Variants in SPHKAP observed in about 807,000 individuals in gnomAD.
SPHKAP encodes the protein A-kinase anchor protein SPHKAP.
A neutral mutation model predicts 137.5 loss-of-function variants in SPHKAP; 67 were observed. The observed-to-expected ratio is 0.49, with a 90% CI of 0.40 to 0.60. SPHKAP has a LOEUF of 0.60. Among genes scored for constraint, SPHKAP ranks in the 20% least tolerant of loss-of-function variants. The pLI, the probability that SPHKAP is intolerant of heterozygous loss-of-function variation, is 0.00. For synonymous variants in SPHKAP, 813 were observed against 785.3 expected (o/e 1.04, Z -0.59); for missense variants, 2,097 against 2,069.3 (o/e 1.01, Z -0.26).
At chr2:228,141,867 T>G (rs1182133329) in intron 1 of SPHKAP, among the ~76,000 whole-genome samples, 1 of 152,328 alleles carries the variant, frequency 6.6e-6, no homozygotes, top group South Asian at 2.1e-4. Context: ...GTTAGTTTTA[T>G]TGGAGAAAAT....
chr2:228,005,567 T>C (rs1210875356), intron 7 of SPHKAP, among the ~76,000 whole-genome samples: 2 of 152,232 alleles, frequency 1.3e-5, no homozygotes, highest in Non-Finnish European at 2.9e-5. Flanking sequence ...TTAATATTGT[T>C]ATGTGGGATT....
rs540414986 is a variant in SPHKAP at position 228,036,632 on chromosome 2, C to A, written c.247-9089G>T. Among the ~76,000 whole-genome samples, 56 of 152,108 alleles carry A rather than the reference C, an allele frequency of 3.7e-4. No individual in the cohort carries two copies. The South Asian group carries it at 9.4e-3, about 25-fold the overall frequency. ...ACAATAGCAAAGACTTGGAACCAAC[C>A]CAAATGTCCAACAATGATAGACTGG... is the stretch of plus-strand genomic sequence containing the variant. On this transcript the variant is annotated intron_variant, in intron 3 of 11. Transcript: ENST00000392056.
At chr2:228,153,725 A>T (rs945132067) in intron 1 of SPHKAP, among the ~76,000 whole-genome samples, 15 of 151,754 alleles carry the variant, frequency 9.9e-5, no homozygotes, top group African/African-American at 2.2e-4. Flanking sequence ...AAAATGTTAA[A>T]TTTTTTTTTG....
intron 3 of SPHKAP, among the ~76,000 whole-genome samples, chr2:228,103,578 C>T (rs957214748): frequency 6.6e-6 from 1 of 152,188 alleles, no homozygotes; most frequent in African/African-American, 2.4e-5. Flanking sequence ...GGAGCTGCCT[C>T]TCACTCTGCC....
At chr2:228,033,777 C>T (rs991881831) in intron 3 of SPHKAP, among the ~76,000 whole-genome samples, 6 of 152,198 alleles carry the variant, frequency 3.9e-5, no homozygotes, top group Non-Finnish European at 7.3e-5. Context: ...TCCTGAATGA[C>T]TACTGGATAC....
At chr2:228,076,828 G>A (rs1238419844) in intron 3 of SPHKAP, among the ~76,000 whole-genome samples, 1 of 152,202 alleles carries the variant, frequency 6.6e-6, no homozygotes, top group Non-Finnish European at 1.5e-5. Context: ...GAAGCCAAAT[G>A]TTAATCACCA....
At chr2:228,116,555 C>T (rs1698715617) in intron 2 of SPHKAP, among the ~76,000 whole-genome samples, 1 of 152,140 alleles carries the variant, frequency 6.6e-6, no homozygotes, top group Non-Finnish European at 1.5e-5. Context: ...ATATAATTCT[C>T]TCATAAGACT....
rs143598734 is a variant in SPHKAP at position 227,981,645 on chromosome 2, G to T, written c.*72C>A. On this transcript the variant is annotated 3_prime_UTR_variant, in exon 12 of 12. Transcript: ENST00000392056. Reference sequence around the variant, plus strand: ...ATGTGATGTTTTGAGAATGTTTAGAGCATTTAGAACAAACCACTGTAATCT... The same window carrying T: ...ATGTGATGTTTTGAGAATGTTTAGATCATTTAGAACAAACCACTGTAATCT... 2.6e-6 allele frequency: 4 copies of T among 1,514,686 alleles called. No homozygotes were observed. In the East Asian group the frequency reaches 7.0e-5, roughly 27 times the overall value. 93.8% of individuals were successfully genotyped at this position (1,514,686 alleles called of 1,614,324 possible). A position where few individuals can be genotyped will look rare whatever the true frequency, so the allele number is the denominator to read the frequency against.
At chr2:227,993,399 C>G in intron 9 of SPHKAP, 135 bp downstream of exon 9, 1 of 800,164 alleles carries the variant, frequency 1.2e-6, no homozygotes, top group African/African-American at 1.7e-5. Flanking sequence ...TGAATTCTTC[C>G]TCCAGTGACA....
intron 3 of SPHKAP, among the ~76,000 whole-genome samples, chr2:228,054,890 C>T (rs138631808): frequency 4.4e-4 from 67 of 152,072 alleles, no homozygotes; most frequent in African/African-American, 1.6e-3. Context: ...CCTGTAATCT[C>T]AGCACTTTGG....
intron 1 of SPHKAP, among the ~76,000 whole-genome samples, chr2:228,145,930 CT>C (rs1699762662): frequency 1.3e-5 from 2 of 152,130 alleles, no homozygotes; most frequent in East Asian, 3.9e-4. Context: ...GCTTGTGGGC[CT>C]ACTCCTTTTC....
At chr2:228,076,624 G>T (rs1697191761) in intron 3 of SPHKAP, among the ~76,000 whole-genome samples, 2 of 152,116 alleles carry the variant, frequency 1.3e-5, no homozygotes, top group African/African-American at 4.8e-5. Context: ...ATGATTTAGG[G>T]TATCTGGTGG....
chr2:228,106,678 T>G (rs1291390652), intron 3 of SPHKAP, among the ~76,000 whole-genome samples: 1 of 152,232 alleles, frequency 6.6e-6, no homozygotes, highest in Non-Finnish European at 1.5e-5. Context: ...ATTTTGCTCA[T>G]GAATTCCTTG....
At chr2:228,165,170 C>A (rs911356416) in intron 1 of SPHKAP, among the ~76,000 whole-genome samples, 6 of 149,918 alleles carry the variant, frequency 4.0e-5, no homozygotes, top group African/African-American at 1.2e-4. Context: ...TTTTTTTACC[C>A]ATCTCACAGG....
intron 11 of SPHKAP, among the ~76,000 whole-genome samples, chr2:227,984,214 C>A (rs1314407088): frequency 1.3e-5 from 2 of 150,226 alleles, no homozygotes; most frequent in Admixed American, 6.7e-5. Context: ...GCAGGAGAAT[C>A]GCTTGAACCT....
chr2:228,028,241 T>C (rs1329558953), intron 3 of SPHKAP, among the ~76,000 whole-genome samples: 1 of 152,240 alleles, frequency 6.6e-6, no homozygotes, highest in Non-Finnish European at 1.5e-5. Context: ...TACTTTTCTC[T>C]ATTTTCTCCT....
rs1325652623 is a variant in SPHKAP, at chr2:228,019,275, T to C, written c.1579A>G (p.Asn527Asp). The C allele has an allele frequency of 6.2e-7, 1 of 1,613,890 alleles. No homozygotes were observed. Among genetic ancestry groups the C allele is most frequent in the Non-Finnish European group, 8.5e-7 (1 of 1,180,024 alleles). ...GCACCACTGCTCCCTGGGGGAAAGT[T>C]CGAGACCACTTGCTCCATTTTGAGT... ...ERLKMEQVVS[N>D]FPPGSSGALQ... Residue 527 changes from asparagine (N) to aspartate (D), a missense_variant, in exon 7 of 12, where the codon AAC becomes GAC. Asn to Asp is a conservative substitution (Grantham distance 23, BLOSUM62 1). Coordinates refer to ENST00000392056, the MANE Select transcript of SPHKAP (RefSeq NM_001142644.2).
Position 228,027,470 on chromosome 2 carries a change from G to A in SPHKAP, c.306+14C>T, listed in dbSNP as rs1695089704. On this transcript the variant is annotated intron_variant, in intron 4 of 11. Transcript: ENST00000392056. ...TGTAATGACCTCCCGGTCAGCTTGA[G>A]TTTCAAATGTTACCTGTTGCAGGTG... The A allele has an allele frequency of 1.2e-6, 2 of 1,613,698 alleles. No homozygotes were observed. Among genetic ancestry groups the A allele is most frequent in the Non-Finnish European group, 1.7e-6 (2 of 1,179,672 alleles).
chr2:227,994,206 T>C (rs1181942289), intron 8 of SPHKAP: 2 of 309,034 alleles, frequency 6.5e-6, no homozygotes, highest in Non-Finnish European at 9.4e-6. Context: ...CAATGTTTTA[T>C]CACTCCTTTA....
Sources: allele counts gnomAD v4.1 joint callset (sites outside exome capture counted in the v4.1 genomes callset), GRCh38; gene constraint gnomAD v4.1.1; transcripts MANE v1.5; gene names NCBI Gene and HGNC (gene_info 2026-07-23, HGNC 2026-07-21).